Variants in TMEM94 observed in about 807,000 individuals in gnomAD.
TMEM94 encodes the protein ER Mg2+ ATPase.
In TMEM94, 81 loss-of-function variants were observed where a neutral mutation model predicts 158.6. The ratio of observed to expected loss-of-function variants is 0.51; its 90% confidence interval spans 0.43 to 0.61. The LOEUF is 0.61. TMEM94 is among the 20% of genes least tolerant of loss of function. TMEM94 has a pLI of 0.00. For missense variants in TMEM94, 1,435 were observed against 1,762.0 expected (o/e 0.81, Z 3.32); for synonymous variants, 751 against 730.7 (o/e 1.03, Z -0.45).
At chr17:75,463,008 TAAAAAAAAAAAAAA>T (rs1217028321) in intron 1 of TMEM94, among the ~76,000 whole-genome samples, 5 of 5,680 alleles carry the variant, frequency 8.8e-4, no homozygotes, top group African/African-American at 3.7e-3. Context: ...ATAAAAAAAG[TAAAAAAAAAAAAAA>T]AAAAAAAAAA....
chr17:75,488,009 T>C lies in TMEM94; in HGVS notation c.487T>C (p.Trp163Arg), dbSNP rs761543073. ...CCTCCACATGCCTTTTGCGCCATCC[T>C]GGTCCTTGCACTGGGCCTACAGAGA... ...PDLHMPFAPS[W>R]SLHWAYRDGH... Residue 163 changes from tryptophan to arginine, a missense_variant, in exon 6 of 32, where the codon TGG (tryptophan) becomes CGG (arginine). Trp to Arg is a moderately radical substitution (Grantham distance 101). Transcript: ENST00000314256. The C allele has an allele frequency of 3.1e-6, 5 of 1,614,090 alleles. No individual in the cohort carries two copies. The highest frequency in any genetic ancestry group is 2.7e-5 in the African/African-American group (2 of 74,934).
chr17:75,476,434 C>A, intron 2 of TMEM94: 1 of 1,209,664 alleles, frequency 8.3e-7, no homozygotes, highest in Non-Finnish European at 1.1e-6. Flanking sequence ...CCCTCCCTCC[C>A]GCCCTTCCAG....
chr17:75,493,299 A>G (rs1159212070), intron 16 of TMEM94, 192 bp from the exon 17 acceptor site: 17 of 828,176 alleles, frequency 2.1e-5, no homozygotes, highest in South Asian at 6.9e-5. Flanking sequence ...GGATTGTCCA[A>G]AGGATGGGAA....
intron 1 of TMEM94, among the ~76,000 whole-genome samples, chr17:75,465,677 A>T (rs200159574): frequency 0.017 from 1,402 of 84,148 alleles, 47 homozygotes; most frequent in Admixed American, 0.073. Context: ...ATATATATAT[A>T]TATTTTTTTT....
rs950699356 is a variant in TMEM94 at position 75,495,388 on chromosome 17, G to A, written c.2833G>A (p.Asp945Asn). ...CAGCGACATCCCCAGCTTCCTGGAG[G>A]ACTCCAACCGGGTACGATGGCAGGA... ...TDSDIPSFLE[D>N]SNRAKLPRGI... The change falls in exon 21 of 32, where the codon GAC becomes AAC. Residue 945 changes from aspartate (D) to asparagine (N), a missense_variant. Asp to Asn is a conservative substitution (Grantham distance 23). Coordinates refer to ENST00000314256, the MANE Select transcript of TMEM94 (RefSeq NM_014738.6). This position sits in a 1 kb window ranked among gnomAD's most constrained non-coding sequence, Gnocchi z 5.6. 3 of 1,613,720 alleles carry A rather than the reference G, an allele frequency of 1.9e-6. No homozygotes were observed. The highest frequency in any genetic ancestry group is 1.6e-4 in the Middle Eastern group (1 of 6,062).
At position 75,491,559 on chromosome 17, in the gene TMEM94, G is replaced by T. The variant is rs1357105533; in HGVS notation, c.1386+104G>T. 1.3e-5 allele frequency: 20 copies of T among 1,580,708 alleles called. No homozygotes were observed. Among genetic ancestry groups the T allele is most frequent in the Non-Finnish European group, 1.7e-5 (20 of 1,156,068 alleles). The stretch of plus-strand genomic sequence containing the variant: ...GGTGAGGTTTCGGAGGGCGAAGGAG[G>T]GTTTGGGCACCATTAGGATCTGCTT... On this transcript the variant is annotated intron_variant, in intron 13 of 31. Coordinates refer to ENST00000314256, the MANE Select transcript of TMEM94 (RefSeq NM_014738.6). The surrounding 1 kb of genome is among the most constrained non-coding windows in gnomAD (Gnocchi z 5.1).
Position 75,492,572 on chromosome 17 carries a change from C to T in TMEM94, c.1695C>T (p.Pro565=). 1 of 1,614,062 alleles carries T rather than the reference C, an allele frequency of 6.2e-7. No homozygotes were observed. Among genetic ancestry groups the T allele is most frequent in the Middle Eastern group, 1.6e-4 (1 of 6,062 alleles). The change falls in exon 15 of 32, where the codon CCC becomes CCT. Residue 565 remains proline (P), a synonymous_variant. Coordinates refer to ENST00000314256, the MANE Select transcript of TMEM94 (RefSeq NM_014738.6). This position sits in a 1 kb window ranked among gnomAD's most constrained non-coding sequence, Gnocchi z 4.4. ...GCCTGTCCCAGGACCAGCAGAACCC[C>T]TCCTGCATCCAGTTTGATGACTCCA... ...MLSLSQDQQN[P]SCIQFDDSNW... is the part of the protein sequence containing the mutation.
At position 75,494,693 on chromosome 17, in the gene TMEM94, G is replaced by T. The variant is rs1567969371; in HGVS notation, c.2474G>T (p.Gly825Val). ...GCCCTGAGCGGCCAGATCTTCATGGGCATGGTGTCCTCCCAGTACCAGGCC... is the reference window on the plus strand; with the variant it reads ...GCCCTGAGCGGCCAGATCTTCATGGTCATGGTGTCCTCCCAGTACCAGGCC... ...MQALSGQIFM[G>V]MVSSQYQARL... Residue 825 changes from glycine (G) to valine (V), a missense_variant, in exon 19 of 32, where the codon GGC becomes GTC. Gly to Val is a moderately radical substitution (Grantham distance 109, BLOSUM62 -3). Transcript: ENST00000314256. The T allele has an allele frequency of 1.2e-6, 2 of 1,613,782 alleles. No homozygotes were observed. The highest frequency in any genetic ancestry group is 1.7e-6 in the Non-Finnish European group (2 of 1,180,034).
Position 75,489,674 on chromosome 17 carries a change from C to T in TMEM94, c.954+12C>T. ...TCCTCCAGCTCCAGGCAAGGACCAC[C>T]CTGTCCTCTCTGTCATGCTTCCCTC... On this transcript the variant is annotated intron_variant, in intron 9 of 31. Transcript: ENST00000314256. The surrounding 1 kb of genome is among the most constrained non-coding windows in gnomAD (Gnocchi z 5.0). The T allele has an allele frequency of 6.2e-7, 1 of 1,605,710 alleles. No homozygotes were observed. Among genetic ancestry groups the T allele is most frequent in the Non-Finnish European group, 8.5e-7 (1 of 1,172,642 alleles).
Position 75,495,108 on chromosome 17 carries a change from G to C in TMEM94, c.2728+74G>C. ...CCCTCCTCAGAGCCACAGCCAGGAA[G>C]AGCCTCCGGAGAGCCCTCCAGTTAA... is the stretch of plus-strand genomic sequence containing the variant. On this transcript the variant is annotated intron_variant, in intron 20 of 31. Coordinates refer to ENST00000314256, the MANE Select transcript of TMEM94 (RefSeq NM_014738.6). The surrounding 1 kb of genome is among the most constrained non-coding windows in gnomAD (Gnocchi z 5.6). 3.2e-6 allele frequency: 5 copies of C among 1,566,906 alleles called. No homozygotes were observed. The highest frequency in any genetic ancestry group is 4.3e-6 in the Non-Finnish European group (5 of 1,153,998).
intron 17 of TMEM94, 29 bp from the exon 18 acceptor site, chr17:75,493,670 C>G (rs556755677): frequency 6.2e-7 from 1 of 1,613,632 alleles, no homozygotes; most frequent in Non-Finnish European, 8.5e-7. Context: ...CAGGAACACT[C>G]ACCTCACCTC....
chr17:75,496,997 C>A (rs1459575270), intron 25 of TMEM94, 116 bp from the exon 26 acceptor site: 2 of 1,065,464 alleles, frequency 1.9e-6, no homozygotes, highest in African/African-American at 1.6e-5. Context: ...GGCCCCTGTT[C>A]CCTCTGGCAG....
chr17:75,496,779 A>G lies in TMEM94; in HGVS notation c.3293A>G (p.Gln1098Arg). 6.2e-7 allele frequency: 1 copy of G among 1,613,862 alleles called. No individual in the cohort carries two copies. The highest frequency in any genetic ancestry group is 8.5e-7 in the Non-Finnish European group (1 of 1,180,014). Residue 1098 changes from glutamine (Q) to arginine (R), a missense_variant, in exon 25 of 32, where the codon CAG (glutamine) becomes CGG (arginine). By Grantham distance (43) the Gln-to-Arg change is conservative. This residue lies in a region of TMEM94 where 335 missense variants were observed against 409.1 expected (regional missense o/e 0.82). Coordinates refer to ENST00000314256, the MANE Select transcript of TMEM94 (RefSeq NM_014738.6). ...GIRKCFLFLL[Q>R]CQLTLVVIQF... The stretch of plus-strand genomic sequence containing the variant: ...CGTAAGTGCTTCCTCTTCCTGCTGC[A>G]GTGCCAGCTGACTCTTGTGGTCATC...
At chr17:75,471,331 T>C (rs2050496593) in intron 1 of TMEM94, among the ~76,000 whole-genome samples, 1 of 151,818 alleles carries the variant, frequency 6.6e-6, no homozygotes, top group African/African-American at 2.4e-5. Context: ...TGTAGCCCTC[T>C]CCCTCCTGGA....
chr17:75,480,322 C>G (rs974283981), intron 2 of TMEM94, among the ~76,000 whole-genome samples: 15 of 152,224 alleles, frequency 9.9e-5, no homozygotes, highest in African/African-American at 3.1e-4. Context: ...TATTTTTCCT[C>G]TACTGTGCTG....
At chr17:75,494,534 G>T in intron 18 of TMEM94, 93 bp from the exon 19 acceptor site, 1 of 1,313,598 alleles carries the variant, frequency 7.6e-7, no homozygotes, top group East Asian at 2.4e-5. Context: ...GGGCCCATAT[G>T]CTCATTGATT....
rs1247357732 is a variant in TMEM94 at position 75,487,636 on chromosome 17, C to T, written c.410-296C>T. Among the ~76,000 whole-genome samples the T allele has an allele frequency of 2.0e-5, 3 of 152,210 alleles. No homozygotes were observed. The highest frequency in any genetic ancestry group is 2.9e-5 in the Non-Finnish European group (2 of 68,040). ...GCTATGTTGTTGTCTCCACCTTGCA[C>T]CCCTCACAGGCCCTCTGCAATGTTT... On this transcript the variant is annotated intron_variant, in intron 5 of 31. Coordinates refer to ENST00000314256, the MANE Select transcript of TMEM94 (RefSeq NM_014738.6). This position sits in a 1 kb window ranked among gnomAD's most constrained non-coding sequence, Gnocchi z 4.6.
intron 25 of TMEM94, 94 bp downstream of exon 25, chr17:75,496,901 A>C (rs1464248832): frequency 7.4e-7 from 1 of 1,359,914 alleles, no homozygotes; most frequent in Non-Finnish European, 1.0e-6. Context: ...TGGGGTTAGC[A>C]GTACAGTCAA....
At chr17:75,486,219 T>A in intron 4 of TMEM94, 71 bp from the exon 5 acceptor site, 4 of 1,595,146 alleles carry the variant, frequency 2.5e-6, no homozygotes, top group Non-Finnish European at 3.4e-6. Context: ...GAAGGGGAGC[T>A]GTGGCCTGGG....
Sources: gnomAD v4.1 joint callset for allele counts (sites outside exome capture counted in the v4.1 genomes callset) on GRCh38, gnomAD v4.1.1 for gene constraint, gnomAD v4.1.1 regional missense constraint, Gnocchi (gnomAD v3.1) non-coding constraint, MANE v1.5 for transcripts, NCBI Gene and HGNC (gene_info 2026-07-23, HGNC 2026-07-21) for gene names.